The following REV3L variants were observed in gnomAD, a reference collection of about 807,000 sequenced individuals.
The protein encoded by REV3L is REV3 like, DNA directed polymerase zeta catalytic subunit, also known as DNA polymerase zeta catalytic subunit.
REV3L carries 69 observed loss-of-function variants against 299.4 expected under a neutral mutation model. That is an observed-to-expected ratio of 0.23 (90% CI 0.19 to 0.28). The LOEUF (loss-of-function observed/expected upper bound fraction) is 0.28, where lower values mean the gene tolerates loss of function less well. Ranked by LOEUF, REV3L falls within the 10% of genes least tolerant of loss-of-function variation. REV3L has a pLI of 1.00. For synonymous variants in REV3L, 1,238 were observed against 1,271.4 expected, an observed-to-expected ratio of 0.97 and a Z score of 0.56; for missense variants, 3,128 against 3,693.8, an observed-to-expected ratio of 0.85 and a Z score of 3.97.
intron 23 of REV3L, 62 bp from the exon 24 acceptor site, chr6:111,331,846 A>C (rs1562134036): frequency 1.9e-6 from 2 of 1,080,000 alleles, no homozygotes; most frequent in Non-Finnish European, 2.8e-6. Context: ...GATTTTACGC[A>C]ATTTAAAAAA....
intron 1 of REV3L, among the ~76,000 whole-genome samples, chr6:111,467,188 T>C (rs10872067): frequency 0.4 from 61,146 of 152,114 alleles, 14,873 homozygotes; most frequent in Non-Finnish European, 0.54. Flanking sequence ...ACTCAAAACA[T>C]ATAAAATGTC....
At chr6:111,407,137 A>C (rs1290165891) in intron 3 of REV3L, among the ~76,000 whole-genome samples, 1 of 152,086 alleles carries the variant, frequency 6.6e-6, no homozygotes, top group Non-Finnish European at 1.5e-5. Flanking sequence ...CTAAAATTCA[A>C]ATCAAAATTT....
At chr6:111,303,357 ATTATT>A (rs943697144) in intron 31 of REV3L, among the ~76,000 whole-genome samples, 52 of 144,680 alleles carry the variant, frequency 3.6e-4, no homozygotes, top group African/African-American at 1.2e-3. Context: ...TTTAATTTTT[ATTATT>A]TTATTTTTAA....
chr6:111,300,834 G>A (rs138194737), intron 31 of REV3L, among the ~76,000 whole-genome samples: 1 of 152,270 alleles, frequency 6.6e-6, no homozygotes, highest in East Asian at 1.9e-4. Flanking sequence ...TGCGTTATCT[G>A]CACAAATTGT....
At chr6:111,394,464 G>T (rs1782263871) in intron 4 of REV3L, among the ~76,000 whole-genome samples, 1 of 151,722 alleles carries the variant, frequency 6.6e-6, no homozygotes, top group African/African-American at 2.4e-5. Flanking sequence ...ATTCAGATAC[G>T]AAACTATTTT....
At position 111,414,422 on chromosome 6, in the gene REV3L, G is replaced by A. The variant is rs564367295; in HGVS notation, c.329+1861C>T. 3.9e-5 allele frequency among the ~76,000 whole-genome samples: 6 copies of A among 152,150 alleles called. No individual in the cohort carries two copies. The South Asian group carries it at 1.2e-3, about 32-fold the overall frequency. ...GAAAGCAGAGTTTCAGAGGTAGATG[G>A]GGTGAGGTCACATAGGTTATGGCTA... On this transcript the variant is annotated intron_variant, in intron 2 of 31. Coordinates refer to ENST00000368802, the MANE Select transcript of REV3L (RefSeq NM_001372078.1).
intron 1 of REV3L, among the ~76,000 whole-genome samples, chr6:111,481,439 C>T (rs537118378): frequency 6.6e-6 from 1 of 152,346 alleles, no homozygotes; most frequent in Non-Finnish European, 1.5e-5. Flanking sequence ...TTTCAAGGTT[C>T]ATATCAAAAT....
chr6:111,480,544 C>T (rs1793496325), intron 1 of REV3L, among the ~76,000 whole-genome samples: 1 of 152,020 alleles, frequency 6.6e-6, no homozygotes, highest in South Asian at 2.1e-4. Flanking sequence ...TTCTGACGTG[C>T]TAATAAAAAT....
chr6:111,467,200 A>T (rs1396642637), intron 1 of REV3L, among the ~76,000 whole-genome samples: 1 of 152,258 alleles, frequency 6.6e-6, no homozygotes, highest in African/African-American at 2.4e-5. Context: ...TAAAATGTCC[A>T]GCCTCGCAGT....
intron 2 of REV3L, chr6:111,411,911 A>G (rs1784288660): frequency 2.2e-6 from 2 of 896,136 alleles, no homozygotes; most frequent in Middle Eastern, 5.6e-4. Context: ...TTTACTCCAC[A>G]TATAAGAAAA....
chr6:111,306,949 TTGAG>T (rs1255662895), intron 31 of REV3L, among the ~76,000 whole-genome samples: 4 of 152,156 alleles, frequency 2.6e-5, no homozygotes, highest in Non-Finnish European at 2.9e-5. Flanking sequence ...TACTTACTGG[TTGAG>T]TATCATTAAT....
At chr6:111,344,801 A>G (rs1776865935) in intron 20 of REV3L, among the ~76,000 whole-genome samples, 1 of 152,242 alleles carries the variant, frequency 6.6e-6, no homozygotes, top group Non-Finnish European at 1.5e-5. Context: ...GAAATAGTTC[A>G]AACAGCACTT....
chr6:111,396,956 T>C (rs1457828714), intron 4 of REV3L, among the ~76,000 whole-genome samples: 2 of 152,154 alleles, frequency 1.3e-5, no homozygotes, highest in Non-Finnish European at 2.9e-5. Context: ...TGATCCTCTC[T>C]ATTTGTTATA....
At chr6:111,349,468 A>C in intron 19 of REV3L, 132 bp from the exon 20 acceptor site, 1 of 458,810 alleles carries the variant, frequency 2.2e-6, no homozygotes. Flanking sequence ...TGTATGAAAA[A>C]ATTTTGTGAA....
intron 2 of REV3L, among the ~76,000 whole-genome samples, chr6:111,412,766 T>TA (rs61259712): frequency 0.43 from 61,790 of 144,262 alleles, 14,584 homozygotes; most frequent in Non-Finnish European, 0.54. Context: ...TAATTTCTGT[T>TA]AAAAAAAAAA....
intron 19 of REV3L, among the ~76,000 whole-genome samples, chr6:111,349,696 A>G (rs563436056): frequency 6.6e-6 from 1 of 152,328 alleles, no homozygotes; most frequent in South Asian, 2.1e-4. Flanking sequence ...CTGCTCGAAT[A>G]GCTGGGACTA....
intron 9 of REV3L, among the ~76,000 whole-genome samples, chr6:111,382,287 G>C (rs779029365): frequency 1.3e-5 from 2 of 152,156 alleles, no homozygotes; most frequent in Non-Finnish European, 2.9e-5. Context: ...TTTTAACAAC[G>C]TATCAAGGAA....
At chr6:111,368,778 A>G (rs1779478319) in intron 13 of REV3L, among the ~76,000 whole-genome samples, 1 of 152,212 alleles carries the variant, frequency 6.6e-6, no homozygotes, top group African/African-American at 2.4e-5. Flanking sequence ...CTACAGCAAC[A>G]TAAAATAATT....
intron 27 of REV3L, 103 bp from the exon 28 acceptor site, chr6:111,313,592 T>C: frequency 8.5e-7 from 1 of 1,173,606 alleles, no homozygotes; most frequent in Non-Finnish European, 1.2e-6. Context: ...ATCAATTATT[T>C]AAAAAATTCT....
Sources: gnomAD v4.1 joint callset for allele counts (sites outside exome capture counted in the v4.1 genomes callset) on GRCh38, gnomAD v4.1.1 for gene constraint, MANE v1.5 for transcripts, NCBI Gene and HGNC (gene_info 2026-07-23, HGNC 2026-07-21) for gene names.